PRKCA: variants seen among roughly 807,000 people sequenced by gnomAD.
PRKCA encodes the protein protein kinase C alpha.
In PRKCA, 27 loss-of-function variants were observed where a neutral mutation model predicts 87.0. The ratio of observed to expected loss-of-function variants is 0.31; its 90% CI spans 0.23 to 0.43. The LOEUF (loss-of-function observed/expected upper bound fraction) is 0.43, where lower values mean the gene tolerates loss of function less well. Ranked by LOEUF, PRKCA falls within the 20% of genes least tolerant of loss-of-function variation. The pLI is 1.00. For synonymous variants in PRKCA, 329 were observed against 311.1 expected, an observed-to-expected ratio of 1.06 and a Z score of -0.61; for missense variants, 518 against 852.3, an observed-to-expected ratio of 0.61 and a Z score of 4.88.
chr17:66,461,231 A>G (rs534011754), intron 2 of PRKCA, among the ~76,000 whole-genome samples: 1 of 151,932 alleles, frequency 6.6e-6, no homozygotes, highest in Non-Finnish European at 1.5e-5. Context: ...AAAGAAAAGA[A>G]AATCACATCC....
chr17:66,398,875 A>T (rs1196930469), intron 2 of PRKCA, among the ~76,000 whole-genome samples: 1 of 152,196 alleles, frequency 6.6e-6, no homozygotes, highest in Non-Finnish European at 1.5e-5. Flanking sequence ...CACTGGGCAG[A>T]CAGAGTGATG....
intron 8 of PRKCA, chr17:66,703,843 T>C (rs1475124517): frequency 2.6e-5 from 4 of 151,814 alleles, no homozygotes; most frequent in African/African-American, 9.7e-5. Context: ...ACAATAAAAA[T>C]ATAGTATAGT....
At chr17:66,789,071 G>C in intron 16 of PRKCA, 92 bp downstream of exon 16, 4 of 1,371,688 alleles carry the variant, frequency 2.9e-6, no homozygotes, top group Non-Finnish European at 3.8e-6. Flanking sequence ...AGAGGAGGCC[G>C]GTGCCCCTGG....
chr17:66,494,788 ATCTT>A (rs1916396161), intron 2 of PRKCA, among the ~76,000 whole-genome samples: 1 of 152,130 alleles, frequency 6.6e-6, no homozygotes, highest in Non-Finnish European at 1.5e-5. Flanking sequence ...TGCGTCCTCT[ATCTT>A]ATTACCATCA....
intron 3 of PRKCA, among the ~76,000 whole-genome samples, chr17:66,557,534 A>G (rs1321846904): frequency 2.0e-5 from 3 of 152,312 alleles, no homozygotes; most frequent in African/African-American, 7.2e-5. Context: ...TTTTCGAATG[A>G]ATAAATTCAA....
At chr17:66,590,100 G>C (rs1969755063) in intron 3 of PRKCA, among the ~76,000 whole-genome samples, 1 of 152,122 alleles carries the variant, frequency 6.6e-6, no homozygotes. Flanking sequence ...TGGCCTGGGG[G>C]TTGGGGGCCA....
At chr17:66,327,041 C>T (rs1906019517) in intron 2 of PRKCA, among the ~76,000 whole-genome samples, 1 of 151,992 alleles carries the variant, frequency 6.6e-6, no homozygotes, top group Non-Finnish European at 1.5e-5. Context: ...TGCACTCCAG[C>T]CTGAGTGACC....
At chr17:66,655,752 C>T (rs1971719294) in intron 5 of PRKCA, among the ~76,000 whole-genome samples, 1 of 152,136 alleles carries the variant, frequency 6.6e-6, no homozygotes, top group African/African-American at 2.4e-5. Flanking sequence ...TAGAAACTGA[C>T]TCAGGCTTTT....
At chr17:66,787,861 T>C (rs1301297537) in intron 15 of PRKCA, among the ~76,000 whole-genome samples, 1 of 152,164 alleles carries the variant, frequency 6.6e-6, no homozygotes, top group Non-Finnish European at 1.5e-5. Flanking sequence ...TCTGCATTGC[T>C]GTGTGGGGCC....
intron 8 of PRKCA, chr17:66,696,566 TG>T (rs1394708277): frequency 1.3e-5 from 2 of 152,342 alleles, no homozygotes; most frequent in Middle Eastern, 3.4e-3. Flanking sequence ...AGACATGATT[TG>T]CCCAAGTTTG....
chr17:66,549,729 T>A (rs1219655557), intron 3 of PRKCA, among the ~76,000 whole-genome samples: 1 of 152,194 alleles, frequency 6.6e-6, no homozygotes, highest in Non-Finnish European at 1.5e-5. Context: ...AAAAAGACAC[T>A]GATTTTTCCA....
rs539576413 is a variant in PRKCA, at chr17:66,711,535, T to C, written c.919-21153T>C. Among the ~76,000 whole-genome samples the C allele has an allele frequency of 2.6e-5, 4 of 152,362 alleles. 1 individual carries two copies. Among genetic ancestry groups the C allele is most frequent in the South Asian group, 4.1e-4 (2 of 4,822 alleles). ...ATGGTTTTAAAAACCTGGTCTATTA[T>C]TGTCATTTCTGATAGCGCCACTCTC... On this transcript the variant is annotated intron_variant, in intron 8 of 16. Transcript: ENST00000413366.
chr17:66,586,444 G>A (rs1398344385), intron 3 of PRKCA, among the ~76,000 whole-genome samples: 2 of 152,208 alleles, frequency 1.3e-5, no homozygotes, highest in Non-Finnish European at 2.9e-5. Context: ...TAAGAGTAGA[G>A]TTCTACCAGT....
intron 5 of PRKCA, among the ~76,000 whole-genome samples, chr17:66,661,336 A>G (rs1368987550): frequency 6.6e-6 from 1 of 152,182 alleles, no homozygotes; most frequent in Non-Finnish European, 1.5e-5. Context: ...TTCAGGAACA[A>G]GGAATAGTGA....
chr17:66,639,867 C>A (rs1294249907), intron 3 of PRKCA, among the ~76,000 whole-genome samples: 1 of 152,018 alleles, frequency 6.6e-6, no homozygotes, highest in East Asian at 2.0e-4. Context: ...TGGTGGCAGG[C>A]ACTTGTAATC....
intron 3 of PRKCA, among the ~76,000 whole-genome samples, chr17:66,556,012 A>T (rs1436759560): frequency 2.6e-5 from 4 of 151,786 alleles, no homozygotes; most frequent in Admixed American, 1.3e-4. Flanking sequence ...TTAAAGAAAG[A>T]TGCTCTGTGA....
intron 5 of PRKCA, among the ~76,000 whole-genome samples, chr17:66,664,365 C>A (rs1971986346): frequency 6.6e-6 from 1 of 152,178 alleles, no homozygotes; most frequent in Admixed American, 6.5e-5. Context: ...CCCAAGGCCA[C>A]CCCATCATTT....
intron 2 of PRKCA, among the ~76,000 whole-genome samples, chr17:66,492,095 G>C (rs1916271525): frequency 6.6e-6 from 1 of 152,156 alleles, no homozygotes; most frequent in Non-Finnish European, 1.5e-5. Context: ...AGGCTTAGAG[G>C]GCTCTTTATC....
At chr17:66,372,896 A>G (rs756117280) in intron 2 of PRKCA, among the ~76,000 whole-genome samples, 1 of 152,066 alleles carries the variant, frequency 6.6e-6, no homozygotes, top group Admixed American at 6.6e-5. Flanking sequence ...TGCCTCTACT[A>G]AAATACAAAA....
Sources: gnomAD v4.1 joint callset for allele counts (sites outside exome capture counted in the v4.1 genomes callset) on GRCh38, gnomAD v4.1.1 for gene constraint, MANE v1.5 for transcripts, NCBI Gene and HGNC (gene_info 2026-07-23, HGNC 2026-07-21) for gene names.